The following LINGO2 variants were observed in gnomAD, a reference collection of about 807,000 sequenced individuals.
The protein encoded by LINGO2 is leucine rich repeat and Ig domain containing 2, also known as leucine-rich repeat and immunoglobulin-like domain-containing nogo receptor-interacting protein 2.
In LINGO2, 14 loss-of-function variants were observed where a neutral mutation model predicts 30.6. The ratio of observed to expected loss-of-function variants is 0.46; its 90% confidence interval spans 0.30 to 0.72. The LOEUF (loss-of-function observed/expected upper bound fraction) is 0.72, where lower values mean the gene tolerates loss of function less well. LINGO2 is among the 30% of genes least tolerant of loss of function. The pLI is 0.07. For synonymous variants in LINGO2, 317 were observed against 288.5 expected, an observed-to-expected ratio of 1.10 and a Z score of -1.00; for missense variants, 729 against 751.7, an observed-to-expected ratio of 0.97 and a Z score of 0.35.
chr9:28,381,471 T>G (rs1190534010), intron 2 of LINGO2, among the ~76,000 whole-genome samples: 1 of 152,074 alleles, frequency 6.6e-6, no homozygotes, highest in Non-Finnish European at 1.5e-5. Flanking sequence ...CAGGACATAA[T>G]TATAACTATT....
At chr9:29,201,636 T>C in the LINGO2 span, among the ~76,000 whole-genome samples, 1 of 152,050 alleles carries the variant, frequency 6.6e-6, no homozygotes, top group Non-Finnish European at 1.5e-5. Flanking sequence ...TTCAAGTTCA[T>C]TGGCTTTACT....
chr9:29,212,586 G>C, the LINGO2 span, among the ~76,000 whole-genome samples: 3 of 151,608 alleles, frequency 2.0e-5, no homozygotes, highest in African/African-American at 7.3e-5. Context: ...TGGGTCTGCG[G>C]TGCTAATAAA....
intron 4 of LINGO2, among the ~76,000 whole-genome samples, chr9:28,103,887 A>AG (rs1826490089): frequency 6.6e-6 from 1 of 152,174 alleles, no homozygotes; most frequent in African/African-American, 2.4e-5. Flanking sequence ...TGCTCTGGAA[A>AG]CAATGAGGAA....
intron 2 of LINGO2, among the ~76,000 whole-genome samples, chr9:28,413,759 T>C (rs1023108076): frequency 3.0e-4 from 45 of 152,056 alleles, no homozygotes; most frequent in African/African-American, 1.1e-3. Context: ...TCCTTTCTGC[T>C]TCACATATAC....
intron 4 of LINGO2, among the ~76,000 whole-genome samples, chr9:28,290,369 G>A (rs1288156067): frequency 2.6e-5 from 4 of 152,080 alleles, no homozygotes; most frequent in Admixed American, 6.5e-5. Flanking sequence ...CAGTGCACTC[G>A]GCAAGACTTT....
the LINGO2 span, among the ~76,000 whole-genome samples, chr9:29,068,781 C>A: frequency 1.6e-4 from 24 of 151,802 alleles, no homozygotes; most frequent in Non-Finnish European, 2.9e-4. Flanking sequence ...ATGTTAAATT[C>A]TACATTTAAT....
chr9:28,872,896 T>C, the LINGO2 span, among the ~76,000 whole-genome samples: 1 of 152,116 alleles, frequency 6.6e-6, no homozygotes, highest in African/African-American at 2.4e-5. Flanking sequence ...GCAATAAAAA[T>C]CATTTTAATT....
At chr9:28,403,977 ATCTC>A (rs1478429791) in intron 2 of LINGO2, among the ~76,000 whole-genome samples, 1 of 152,058 alleles carries the variant, frequency 6.6e-6, no homozygotes, top group African/African-American at 2.4e-5. Context: ...TTCTTTAATT[ATCTC>A]TCTAATTCTG....
rs113226425 is a variant in LINGO2, at chr9:28,098,625, G to A, written c.-86-86220C>T. Among the ~76,000 whole-genome samples, 957 of 152,166 alleles carry A rather than the reference G, an allele frequency of 6.3e-3. 14 individuals are homozygous for A. Among genetic ancestry groups the A allele is most frequent in the African/African-American group, 0.022 (904 of 41,520 alleles). The stretch of plus-strand genomic sequence containing the variant: ...CTGTGTTATTCTGATATTTTTATGT[G>A]TGGATACTGGTCACTGGCCAAGGCA... On this transcript the variant is annotated intron_variant, in intron 4 of 5. Coordinates refer to ENST00000379992, the Ensembl canonical transcript of LINGO2.
the LINGO2 span, among the ~76,000 whole-genome samples, chr9:28,995,581 T>A: frequency 1.3e-5 from 2 of 152,166 alleles, no homozygotes; most frequent in East Asian, 3.9e-4. Context: ...GTATGTTTAT[T>A]GCCGCACTAT....
the LINGO2 span, chr9:27,938,670 A>G: frequency 1.3e-5 from 2 of 152,290 alleles, no homozygotes; most frequent in Middle Eastern, 3.4e-3. Flanking sequence ...AAACCACATG[A>G]TTTAGATGAC....
At chr9:28,100,045 A>G (rs918940530) in intron 4 of LINGO2, among the ~76,000 whole-genome samples, 3 of 152,216 alleles carry the variant, frequency 2.0e-5, no homozygotes, top group African/African-American at 7.2e-5. Context: ...TAACAAGATC[A>G]TATTCAAAAT....
At chr9:28,257,965 C>G (rs1347065318) in intron 4 of LINGO2, among the ~76,000 whole-genome samples, 1 of 151,870 alleles carries the variant, frequency 6.6e-6, no homozygotes, top group African/African-American at 2.4e-5. Context: ...TTGATTAACG[C>G]ATAAAAAGCA....
intron 4 of LINGO2, among the ~76,000 whole-genome samples, chr9:28,272,447 A>G (rs1313885103): frequency 2.0e-5 from 3 of 151,750 alleles, no homozygotes; most frequent in Non-Finnish European, 4.4e-5. Flanking sequence ...CCATATCGTC[A>G]CATGGCTTTC....
chr9:28,350,607 G>C (rs28781732), intron 3 of LINGO2, among the ~76,000 whole-genome samples: 144,947 of 145,346 alleles, frequency 1, 72,274 homozygotes, highest in Non-Finnish European at 1. Flanking sequence ...AGAAAGTCAA[G>C]AAGGATACCC....
At chr9:28,523,900 T>A (rs1014062163) in intron 1 of LINGO2, among the ~76,000 whole-genome samples, 1 of 152,010 alleles carries the variant, frequency 6.6e-6, no homozygotes, top group Non-Finnish European at 1.5e-5. Context: ...TTGGCTTTTT[T>A]TTTTTTTAAT....
the LINGO2 span, among the ~76,000 whole-genome samples, chr9:29,166,640 C>T: frequency 5.3e-5 from 8 of 152,198 alleles, no homozygotes; most frequent in East Asian, 1.5e-3. Flanking sequence ...ATTTTAATCA[C>T]TAGTTCTAAT....
intron 1 of LINGO2, among the ~76,000 whole-genome samples, chr9:28,652,977 G>C (rs1317085634): frequency 6.6e-6 from 1 of 151,998 alleles, no homozygotes; most frequent in Non-Finnish European, 1.5e-5. Flanking sequence ...GGATATAGCT[G>C]AAACTCCAGA....
intron 1 of LINGO2, among the ~76,000 whole-genome samples, chr9:28,635,904 A>G (rs1311987847): frequency 6.6e-6 from 1 of 152,124 alleles, no homozygotes; most frequent in African/African-American, 2.4e-5. Context: ...TACATGTGCC[A>G]TGTTGGTGTG....
Sources: allele counts gnomAD v4.1 joint callset (sites outside exome capture counted in the v4.1 genomes callset), GRCh38; gene constraint gnomAD v4.1.1; transcripts MANE v1.5; gene names NCBI Gene and HGNC (gene_info 2026-07-23, HGNC 2026-07-21).